The following SYTL3 variants were observed in gnomAD, a reference collection of about 807,000 sequenced individuals.
SYTL3 encodes the protein synaptotagmin-like protein 3.
Under a neutral mutation model 82.1 loss-of-function variants are expected in SYTL3, and 88 were observed. That is an observed-to-expected ratio of 1.07 (90% CI 0.90 to 1.28). The LOEUF (loss-of-function observed/expected upper bound fraction) is 1.28. Among genes scored for constraint, SYTL3 ranks in the 50% most tolerant of loss-of-function variants. The pLI is 0.00. For synonymous variants in SYTL3, 311 were observed against 289.4 expected (o/e 1.07, Z -0.76); for missense variants, 831 against 757.6 (o/e 1.10, Z -1.14).
At chr6:158,711,506 C>A (rs1387233678) in intron 8 of SYTL3, among the ~76,000 whole-genome samples, 1 of 152,184 alleles carries the variant, frequency 6.6e-6, no homozygotes, top group Non-Finnish European at 1.5e-5. Context: ...GTCCAAGTCC[C>A]AAGGTGTCGG....
intron 6 of SYTL3, among the ~76,000 whole-genome samples, chr6:158,698,968 G>A (rs192672210): frequency 6.6e-6 from 1 of 152,190 alleles, no homozygotes; most frequent in Non-Finnish European, 1.5e-5. Flanking sequence ...CACCAGCAGA[G>A]AGGTGGCCAG....
chr6:158,751,596 T>A (rs1369487090), intron 12 of SYTL3, among the ~76,000 whole-genome samples: 1 of 152,174 alleles, frequency 6.6e-6, no homozygotes, highest in African/African-American at 2.4e-5. Context: ...CTCATGGCCT[T>A]GACATCCAGG....
At chr6:158,690,517 C>T (rs959787767) in intron 6 of SYTL3, among the ~76,000 whole-genome samples, 30 of 152,074 alleles carry the variant, frequency 2.0e-4, no homozygotes, top group Admixed American at 5.2e-4. Context: ...TAAAATGCCC[C>T]CCAGATTTCC....
At chr6:158,726,265 G>A (rs1356513960) in intron 11 of SYTL3, 1 of 440,620 alleles carries the variant, frequency 2.3e-6, no homozygotes, top group East Asian at 6.0e-5. Flanking sequence ...GAGTCTCTTG[G>A]GTAAAGATCA....
At chr6:158,649,569 A>G (rs1405969242), upstream of SYTL3, among the ~76,000 whole-genome samples, 1 of 152,220 alleles carries the variant, frequency 6.6e-6, no homozygotes, top group East Asian at 1.9e-4. Context: ...AATACTACCT[A>G]GTACACGCAC....
At chr6:158,689,470 T>C (rs531928535) in intron 6 of SYTL3, among the ~76,000 whole-genome samples, 6 of 152,320 alleles carry the variant, frequency 3.9e-5, no homozygotes, top group African/African-American at 1.4e-4. Context: ...TAGTTGCATG[T>C]TATCTTCCTA....
intron 12 of SYTL3, among the ~76,000 whole-genome samples, chr6:158,746,721 C>T (rs1161309287): frequency 6.6e-6 from 1 of 151,838 alleles, no homozygotes; most frequent in African/African-American, 2.4e-5. Flanking sequence ...ACCTTGGCCT[C>T]CCAAAGTGCT....
intron 5 of SYTL3, among the ~76,000 whole-genome samples, chr6:158,680,626 C>T (rs1778581186): frequency 6.6e-6 from 1 of 150,604 alleles, no homozygotes; most frequent in Non-Finnish European, 1.5e-5. Context: ...GTGGCACGTG[C>T]CTTTAGTGTC....
chr6:158,677,705 CAAA>C (rs56865775), intron 5 of SYTL3, among the ~76,000 whole-genome samples: 67 of 68,110 alleles, frequency 9.8e-4, no homozygotes, highest in Middle Eastern at 6.8e-3. Flanking sequence ...AACTCTGTCT[CAAA>C]AAAAAAAAAA....
Position 158,752,031 on chromosome 6 carries a change from G to A in SYTL3, c.1137+1G>A, listed in dbSNP as rs1186792557. 6.9e-6 allele frequency: 11 copies of A among 1,591,136 alleles called. No individual in the cohort carries two copies. Among genetic ancestry groups the A allele is most frequent in the Non-Finnish European group, 9.4e-6 (11 of 1,171,150 alleles). Reference sequence around the variant, plus strand: ...CCCGACCTTTCAGGAGACCTTGAAGGTACTTGCTGGACAGATATTCCTGTG... The same window carrying A: ...CCCGACCTTTCAGGAGACCTTGAAGATACTTGCTGGACAGATATTCCTGTG... On this transcript the variant is annotated splice_donor_variant, in intron 13 of 17. Coordinates refer to ENST00000611299, the MANE Select transcript of SYTL3 (RefSeq NM_001242394.2). LOFTEE classifies it high-confidence loss of function.
rs1313952902 is a variant in SYTL3 at position 158,763,389 on chromosome 6, T to C, written c.1603T>C (p.Phe535Leu). 1 of 1,614,170 alleles carries C rather than the reference T, an allele frequency of 6.2e-7. No homozygotes were observed. The highest frequency in any genetic ancestry group is 1.1e-5 in the South Asian group (1 of 91,080). Reference protein sequence around the residue: ...KQACPQWKHSFVFSGVTPAQL... With the variant: ...KQACPQWKHSLVFSGVTPAQL... ...GGCTTGCCCCCAGTGGAAACACTCA[T>C]TTGTCTTCAGTGGCGTAACCCCAGC... Residue 535 changes from phenylalanine (F) to leucine (L), a missense_variant, in exon 17 of 18, where the codon TTT becomes CTT. Physicochemically the swap from Phe to Leu is conservative, Grantham distance 22. Transcript: ENST00000611299.
intron 5 of SYTL3, among the ~76,000 whole-genome samples, chr6:158,676,807 G>GCTC (rs1408615181): frequency 6.6e-6 from 1 of 152,128 alleles, no homozygotes; most frequent in African/African-American, 2.4e-5. Flanking sequence ...ATGAAAAAAT[G>GCTC]CTCATCATCA....
upstream of SYTL3, among the ~76,000 whole-genome samples, chr6:158,648,298 A>G (rs1787619646): frequency 2.0e-5 from 3 of 151,988 alleles, no homozygotes; most frequent in South Asian, 6.2e-4. Context: ...CGTCTCAAAA[A>G]ATAAAATAAT....
At chr6:158,685,820 AAAAC>A (rs530028195) in intron 6 of SYTL3, among the ~76,000 whole-genome samples, 31 of 152,154 alleles carry the variant, frequency 2.0e-4, no homozygotes, top group South Asian at 4.1e-4. Flanking sequence ...CTCCATCTCA[AAAAC>A]AAACAAACAA....
chr6:158,670,294 T>C (rs1777219268), intron 5 of SYTL3, among the ~76,000 whole-genome samples: 1 of 152,172 alleles, frequency 6.6e-6, no homozygotes, highest in South Asian at 2.1e-4. Flanking sequence ...TGAAAATATA[T>C]CTACCCTTCA....
intron 10 of SYTL3, among the ~76,000 whole-genome samples, chr6:158,722,097 A>C (rs1379436661): frequency 6.6e-6 from 1 of 152,166 alleles, no homozygotes; most frequent in African/African-American, 2.4e-5. Context: ...GCTGGTGCCC[A>C]CCTTGCAAGT....
rs1400237209 is a variant in SYTL3 at position 158,757,310 on chromosome 6, A to G, written c.1237A>G (p.Ile413Val). 2 of 1,613,788 alleles carry G rather than the reference A, an allele frequency of 1.2e-6. No homozygotes were observed. The highest frequency in any genetic ancestry group is 8.5e-7 in the Non-Finnish European group (1 of 1,179,982). The change falls in exon 14 of 18, where the codon ATT becomes GTT. Residue 413 changes from isoleucine (I) to valine (V), a missense_variant. By Grantham distance (29) the Ile-to-Val change is conservative. Transcript: ENST00000611299. Reference protein sequence around the residue: ...ARRVFLGEVIIPLATWDFEDS... With the variant: ...ARRVFLGEVIVPLATWDFEDS... ...GAGAGTGTTTCTTGGAGAAGTGATC[A>G]TTCCTCTGGCCACGTGGGACTTTGA...
chr6:158,665,641 C>T (rs956041725), intron 5 of SYTL3, 28 bp downstream of exon 5: 2 of 1,503,244 alleles, frequency 1.3e-6, no homozygotes, highest in Non-Finnish European at 1.8e-6. Context: ...TTGGATCCCT[C>T]CCACTGATTC....
intron 12 of SYTL3, among the ~76,000 whole-genome samples, chr6:158,748,648 C>G (rs942662425): frequency 6.6e-6 from 1 of 152,022 alleles, no homozygotes; most frequent in African/African-American, 2.4e-5. Context: ...AGTTTGAGAC[C>G]AGCCTGGCCA....
Sources: allele counts gnomAD v4.1 joint callset (sites outside exome capture counted in the v4.1 genomes callset), GRCh38; gene constraint gnomAD v4.1.1; transcripts MANE v1.5; gene names NCBI Gene and HGNC (gene_info 2026-07-23, HGNC 2026-07-21).